Variants in SRBD1 observed in about 807,000 individuals in gnomAD.
SRBD1 encodes S1 RNA binding domain 1, also known as S1 RNA-binding domain-containing protein 1.
In SRBD1, 88 loss-of-function variants were observed where a neutral mutation model predicts 115.3. The observed-to-expected ratio is 0.76, with a 90% CI of 0.64 to 0.91. SRBD1 has a LOEUF of 0.91. SRBD1 is among the 40% of genes least tolerant of loss of function. The pLI is 0.00. For missense variants in SRBD1, 1,385 were observed against 1,177.4 expected, an observed-to-expected ratio of 1.18 and a Z score of -2.58; for synonymous variants, 509 against 407.7, an observed-to-expected ratio of 1.25 and a Z score of -2.99.
chr2:45,477,979 C>G (rs974091292), intron 15 of SRBD1, among the ~76,000 whole-genome samples: 24 of 114,722 alleles, frequency 2.1e-4, no homozygotes, highest in Admixed American at 1.5e-3. Flanking sequence ...TTTTTTTTTA[C>G]CAAATATCAA....
intron 10 of SRBD1, among the ~76,000 whole-genome samples, chr2:45,562,306 C>A (rs780409139): frequency 1.3e-5 from 2 of 152,172 alleles, no homozygotes; most frequent in Non-Finnish European, 2.9e-5. Flanking sequence ...CGGCTCACTG[C>A]AACCTCAGCC....
chr2:45,556,364 A>C (rs1672475868), intron 10 of SRBD1, among the ~76,000 whole-genome samples: 1 of 152,066 alleles, frequency 6.6e-6, no homozygotes, highest in African/African-American at 2.4e-5. Flanking sequence ...TAAAGATATG[A>C]AGAGCTCAAA....
chr2:45,398,312 T>C (rs1667203002), intron 19 of SRBD1, among the ~76,000 whole-genome samples: 1 of 152,144 alleles, frequency 6.6e-6, no homozygotes, highest in African/African-American at 2.4e-5. Context: ...GGGGGCGTTT[T>C]AAATGTTATT....
chr2:45,490,838 T>C (rs568313292), intron 14 of SRBD1, among the ~76,000 whole-genome samples: 12 of 152,270 alleles, frequency 7.9e-5, no homozygotes, highest in East Asian at 1.9e-4. Context: ...ATGTGACACA[T>C]TGCACCCAAA....
At chr2:45,586,811 T>C (rs1385992145) in intron 4 of SRBD1, among the ~76,000 whole-genome samples, 4 of 151,440 alleles carry the variant, frequency 2.6e-5, no homozygotes, top group Non-Finnish European at 4.4e-5. Context: ...CCTCCGAAAG[T>C]GCTGGGATTA....
At chr2:45,602,851 T>C (rs1159722877) in intron 2 of SRBD1, among the ~76,000 whole-genome samples, 1 of 152,198 alleles carries the variant, frequency 6.6e-6, no homozygotes, top group African/African-American at 2.4e-5. Flanking sequence ...TTTTTTAATG[T>C]TAAGTTCTTG....
chr2:45,551,344 A>T, intron 11 of SRBD1, 62 bp from the exon 12 acceptor site: 1 of 1,468,342 alleles, frequency 6.8e-7, no homozygotes, highest in Admixed American at 2.5e-5. Context: ...CCAGAAAAGG[A>T]GCAGAATTCA....
intron 1 of SRBD1, among the ~76,000 whole-genome samples, chr2:45,610,713 G>C (rs1303372977): frequency 6.6e-6 from 1 of 152,180 alleles, no homozygotes; most frequent in East Asian, 1.9e-4. Flanking sequence ...GGGCCACCAT[G>C]ACCGTGAAAA....
chr2:45,470,744 ACATCAAGT>A (rs1182682507), intron 16 of SRBD1, among the ~76,000 whole-genome samples: 1 of 152,152 alleles, frequency 6.6e-6, no homozygotes, highest in Admixed American at 6.5e-5. Flanking sequence ...CTTGGGAGTA[ACATCAAGT>A]CACTTTCCAG....
Position 45,573,386 on chromosome 2 carries a change from T to C in SRBD1, c.1170-44A>G, listed in dbSNP as rs748622429. ...GTTCAAAAAACAAGCAGTTATTAAT[T>C]TGTGCTTTAGTAAAGAATATATAGA... On this transcript the variant is annotated intron_variant, in intron 8 of 20. Coordinates refer to ENST00000263736, the MANE Select transcript of SRBD1 (RefSeq NM_018079.5). 4.4e-6 allele frequency: 7 copies of C among 1,575,718 alleles called. No individual in the cohort carries two copies. In the East Asian group the frequency reaches 1.4e-4, roughly 31 times the overall value.
chr2:45,461,730 TA>T (rs1030812752), intron 16 of SRBD1, among the ~76,000 whole-genome samples: 9 of 152,142 alleles, frequency 5.9e-5, no homozygotes, highest in Admixed American at 2.6e-4. Context: ...TGGATCTGCT[TA>T]AAAATGCATC....
At chr2:45,537,642 G>T (rs563706494) in intron 14 of SRBD1, among the ~76,000 whole-genome samples, 1 of 152,272 alleles carries the variant, frequency 6.6e-6, no homozygotes, top group Non-Finnish European at 1.5e-5. Context: ...AGGGACAAGA[G>T]TTAGACTTGA....
intron 9 of SRBD1, among the ~76,000 whole-genome samples, chr2:45,572,528 C>G (rs1488471980): frequency 6.6e-6 from 1 of 152,052 alleles, no homozygotes; most frequent in Non-Finnish European, 1.5e-5. Context: ...AAGTTTGTCA[C>G]TAGTAGACCT....
intron 15 of SRBD1, among the ~76,000 whole-genome samples, chr2:45,486,320 G>C (rs1427801447): frequency 6.6e-6 from 1 of 152,068 alleles, no homozygotes; most frequent in African/African-American, 2.4e-5. Context: ...AGAAATTCTG[G>C]ATTTTATTTT....
At chr2:45,507,899 C>T (rs1046039566) in intron 14 of SRBD1, among the ~76,000 whole-genome samples, 5 of 151,884 alleles carry the variant, frequency 3.3e-5, no homozygotes, top group Admixed American at 6.6e-5. Flanking sequence ...ATTCTCAATG[C>T]TCAGATGAAT....
At chr2:45,407,350 C>A (rs1667466833) in intron 19 of SRBD1, among the ~76,000 whole-genome samples, 1 of 152,130 alleles carries the variant, frequency 6.6e-6, no homozygotes, top group Non-Finnish European at 1.5e-5. Context: ...TTTTTAAAAA[C>A]CTACCCTAAA....
At position 45,413,563 on chromosome 2, in the gene SRBD1, A is replaced by T. The variant is rs140328166; in HGVS notation, c.2334-270T>A. On this transcript the variant is annotated intron_variant, in intron 18 of 20. Transcript: ENST00000263736. The stretch of plus-strand genomic sequence containing the variant: ...GAAAATGTAGGGAAACAAAATAATA[A>T]TATTTCCCAGAGCTAAGAAAAACAA... Among the ~76,000 whole-genome samples the T allele has an allele frequency of 3.7e-3, 556 of 152,254 alleles. 5 individuals carry two copies. Among genetic ancestry groups the T allele is most frequent in the African/African-American group, 0.012 (512 of 41,532 alleles).
At position 45,579,938 on chromosome 2, in the gene SRBD1, T is replaced by C. The variant is rs1019822252; in HGVS notation, c.1009A>G (p.Arg337Gly). The C allele has an allele frequency of 2.5e-6, 4 of 1,610,130 alleles. No homozygotes were observed. Among genetic ancestry groups the C allele is most frequent in the Non-Finnish European group, 3.4e-6 (4 of 1,178,026 alleles). Reference sequence around the variant, plus strand: ...TCCCCTGGTTTCTCAAGCAGTGCCCTGGCTGCTCCTTCTAAGCCCAACTGT... The same window carrying C: ...TCCCCTGGTTTCTCAAGCAGTGCCCCGGCTGCTCCTTCTAAGCCCAACTGT... ...ARQLGLEGAA[R>G]ALLEKPGELS... The change falls in exon 7 of 21, where the codon AGG becomes GGG. Residue 337 changes from arginine (R) to glycine (G), a missense_variant. Arg to Gly is a moderately radical substitution (Grantham distance 125). Coordinates refer to ENST00000263736, the MANE Select transcript of SRBD1 (RefSeq NM_018079.5).
chr2:45,448,332 T>G (rs1386434881), intron 16 of SRBD1, among the ~76,000 whole-genome samples: 1 of 152,166 alleles, frequency 6.6e-6, no homozygotes, highest in Non-Finnish European at 1.5e-5. Context: ...TATTTTATTA[T>G]AAACTGGGTA....
Sources: gnomAD v4.1 joint callset for allele counts (sites outside exome capture counted in the v4.1 genomes callset) on GRCh38, gnomAD v4.1.1 for gene constraint, MANE v1.5 for transcripts, NCBI Gene and HGNC (gene_info 2026-07-23, HGNC 2026-07-21) for gene names.